The following SLC25A20 variants were observed in gnomAD, a reference collection of about 807,000 sequenced individuals.
SLC25A20 encodes the protein mitochondrial carnitine/acylcarnitine carrier protein.
SLC25A20 carries 29 observed loss-of-function variants against 39.7 expected under a neutral mutation model. The ratio of observed to expected loss-of-function variants is 0.73; its 90% CI spans 0.54 to 1.00. The LOEUF is 1.00. Ranked by LOEUF, SLC25A20 falls within the 50% of genes least tolerant of loss-of-function variation. The pLI, the probability that SLC25A20 is intolerant of heterozygous loss-of-function variation, is 0.00. For missense variants in SLC25A20, 333 were observed against 379.9 expected (o/e 0.88, Z 1.03); for synonymous variants, 103 against 142.2 (o/e 0.72, Z 1.96).
At chr3:48,870,332 C>G (rs530755029) in intron 4 of SLC25A20, among the ~76,000 whole-genome samples, 10 of 151,908 alleles carry the variant, frequency 6.6e-5, no homozygotes, top group Non-Finnish European at 8.8e-5. Context: ...ACCCAGGAGG[C>G]GGAGGTTGCA....
At chr3:48,893,883 A>G (rs1345861675) in intron 1 of SLC25A20, among the ~76,000 whole-genome samples, 1 of 146,990 alleles carries the variant, frequency 6.8e-6, no homozygotes, top group Non-Finnish European at 1.5e-5. Context: ...AAAGGAGGCC[A>G]GGCGCGGTGG....
At chr3:48,884,358 CT>C (rs1415493838) in intron 2 of SLC25A20, among the ~76,000 whole-genome samples, 2 of 150,608 alleles carry the variant, frequency 1.3e-5, no homozygotes, top group East Asian at 1.9e-4. Flanking sequence ...GTTTTGGGGG[CT>C]TTTTTTTTCA....
Position 48,862,571 on chromosome 3 carries a change from T to C in SLC25A20, c.506A>G (p.Tyr169Cys), listed in dbSNP as rs775518616. 1.2e-6 allele frequency: 2 copies of C among 1,613,866 alleles called. No individual in the cohort carries two copies. The highest frequency in any genetic ancestry group is 1.7e-6 in the Non-Finnish European group (2 of 1,179,746). Residue 169 changes from tyrosine to cysteine, a missense_variant, in exon 5 of 9, where the codon TAC becomes TGC. Coordinates refer to ENST00000319017, the MANE Select transcript of SLC25A20 (RefSeq NM_000387.6). ...LYQEFGIRGI[Y>C]KGTVLTLMRD... ...CATAAGGGTAAGCACAGTCCCTTTG[T>C]AGATGCCTCGGATCCCAAACTCCTG...
At chr3:48,864,347 C>CAAAAAAAA (rs55843120) in intron 4 of SLC25A20, among the ~76,000 whole-genome samples, 3 of 48,060 alleles carry the variant, frequency 6.2e-5, no homozygotes, top group Non-Finnish European at 1.0e-4. Context: ...GACTCTGTCT[C>CAAAAAAAA]AAAAAAAAAA....
At chr3:48,895,547 C>T (rs374759082) in intron 1 of SLC25A20, among the ~76,000 whole-genome samples, 11 of 152,156 alleles carry the variant, frequency 7.2e-5, no homozygotes, top group African/African-American at 2.7e-4. Context: ...TTCTTTATTT[C>T]TTTGGAATCT....
intron 1 of SLC25A20, among the ~76,000 whole-genome samples, chr3:48,893,028 T>C (rs1443885873): frequency 6.6e-6 from 1 of 151,860 alleles, no homozygotes; most frequent in Non-Finnish European, 1.5e-5. Flanking sequence ...TTTATATATA[T>C]ATACTTTTTT....
At chr3:48,897,367 A>ATTT (rs869090435) in intron 1 of SLC25A20, among the ~76,000 whole-genome samples, 211 of 83,716 alleles carry the variant, frequency 2.5e-3, no homozygotes, top group Admixed American at 3.0e-3. Flanking sequence ...ATATATATAT[A>ATTT]TTTTTTTTTT....
intron 3 of SLC25A20, 58 bp from the exon 4 acceptor site, chr3:48,879,506 G>T: frequency 9.0e-7 from 1 of 1,115,036 alleles, no homozygotes; most frequent in Non-Finnish European, 1.4e-6. Context: ...GAGGACAGAG[G>T]CCAATCCCAG....
In SLC25A20 at chr3:48,887,961, C is replaced by G. The variant is rs867548811; in HGVS notation, c.199-3837G>C. Among the ~76,000 whole-genome samples the G allele has an allele frequency of 3.3e-5, 5 of 151,936 alleles. No individual in the cohort carries two copies. The South Asian group carries it at 6.2e-4, about 19-fold the overall frequency. On this transcript the variant is annotated intron_variant, in intron 2 of 8. Coordinates refer to ENST00000319017, the MANE Select transcript of SLC25A20 (RefSeq NM_000387.6). ...TGGTGGCTCATATCTGTAATTCCAG[C>G]GCTTTGGGAGGCTGAGGCAGGCAGA...
At chr3:48,858,380 C>G in intron 8 of SLC25A20, 127 bp downstream of exon 8, 2 of 1,378,850 alleles carry the variant, frequency 1.5e-6, no homozygotes, top group Non-Finnish European at 2.0e-6. Context: ...ATAAGGAATG[C>G]TCTGGCTGAA....
chr3:48,874,271 G>A (rs980220617), intron 4 of SLC25A20, among the ~76,000 whole-genome samples: 3 of 151,992 alleles, frequency 2.0e-5, no homozygotes, highest in Admixed American at 6.6e-5. Flanking sequence ...CAACTTGGGC[G>A]ACAGAGCAAG....
chr3:48,886,085 T>C (rs1331285283), intron 2 of SLC25A20, among the ~76,000 whole-genome samples: 1 of 152,034 alleles, frequency 6.6e-6, no homozygotes, highest in Admixed American at 6.6e-5. Context: ...GTTGTAATCA[T>C]GAAAATGGTG....
chr3:48,870,294 G>A (rs1226677589), intron 4 of SLC25A20, among the ~76,000 whole-genome samples: 6 of 152,128 alleles, frequency 3.9e-5, no homozygotes, highest in African/African-American at 9.7e-5. Context: ...CCAGCTACGC[G>A]GGAGGATGAG....
chr3:48,883,170 G>A (rs2083806531), intron 3 of SLC25A20, among the ~76,000 whole-genome samples: 1 of 151,946 alleles, frequency 6.6e-6, no homozygotes, highest in African/African-American at 2.4e-5. Context: ...ACTCCAGCCT[G>A]GGCGACAGAG....
At chr3:48,885,847 C>G (rs2083825572) in intron 2 of SLC25A20, among the ~76,000 whole-genome samples, 1 of 152,056 alleles carries the variant, frequency 6.6e-6, no homozygotes, top group South Asian at 2.1e-4. Flanking sequence ...AAACAATACA[C>G]ACTAGAACAA....
intron 3 of SLC25A20, among the ~76,000 whole-genome samples, chr3:48,882,100 T>C (rs1252115307): frequency 1.3e-5 from 2 of 152,224 alleles, no homozygotes; most frequent in South Asian, 2.1e-4. Flanking sequence ...GTACTGCCTA[T>C]AGCCCCTCCC....
chr3:48,888,985 G>C (rs991041889), intron 2 of SLC25A20, among the ~76,000 whole-genome samples: 12 of 151,988 alleles, frequency 7.9e-5, no homozygotes, highest in African/African-American at 2.7e-4. Flanking sequence ...TCAGGAAGCT[G>C]AGGCAGGAGA....
chr3:48,894,020 G>C lies in SLC25A20; in HGVS notation c.106-1948C>G, dbSNP rs145651535. 7.3e-5 allele frequency among the ~76,000 whole-genome samples: 11 copies of C among 151,674 alleles called. No homozygotes were observed. The East Asian group carries it at 2.2e-3, about 30-fold the overall frequency. On this transcript the variant is annotated intron_variant, in intron 1 of 8. Transcript: ENST00000319017. The stretch of plus-strand genomic sequence containing the variant: ...CACTAAAAATACAAAAATTAGCCAG[G>C]TGTGGTGGCACGCACCTGTAATCCC...
rs2083636337 is a variant in SLC25A20, at chr3:48,862,624, A to G, written c.453T>C (p.Gly151=). 6.2e-7 allele frequency: 1 copy of G among 1,614,004 alleles called. No individual in the cohort carries two copies. The highest frequency in any genetic ancestry group is 1.3e-5 in the African/African-American group (1 of 75,064). Residue 151 remains glycine, a synonymous_variant, in exon 5 of 9, where the codon GGT becomes GGC. Transcript: ENST00000319017. Reference sequence around the variant, plus strand: ...ACAGCTTCTTTGCACAGTCCAAGGTACCAGTGTACTTGCTTTCTCCTGAAG... The same window carrying G: ...ACAGCTTCTTTGCACAGTCCAAGGTGCCAGTGTACTTGCTTTCTCCTGAAG... ...QASSGESKYT[G]TLDCAKKLYQ... is the part of the protein sequence containing the mutation.
Sources: gnomAD v4.1 joint callset for allele counts (sites outside exome capture counted in the v4.1 genomes callset) on GRCh38, gnomAD v4.1.1 for gene constraint, MANE v1.5 for transcripts, NCBI Gene and HGNC (gene_info 2026-07-23, HGNC 2026-07-21) for gene names.